FRMD3: variants seen among roughly 807,000 people sequenced by gnomAD.
FRMD3 encodes the protein FERM domain containing 3.
A neutral mutation model predicts 70.2 loss-of-function variants in FRMD3; 33 were observed. That is an observed-to-expected ratio of 0.47 (90% CI 0.36 to 0.63). The LOEUF (loss-of-function observed/expected upper bound fraction) is 0.63, where lower values mean the gene tolerates loss of function less well. Ranked by LOEUF, FRMD3 falls within the 20% of genes least tolerant of loss-of-function variation. The probability of loss-of-function intolerance (pLI) is 0.00; values close to 1 mark genes in which losing one functional copy is unlikely to be tolerated. For synonymous variants in FRMD3, 279 were observed against 255.9 expected, an observed-to-expected ratio of 1.09 and a Z score of -0.86; for missense variants, 632 against 711.4, an observed-to-expected ratio of 0.89 and a Z score of 1.27.
At chr9:83,330,304 C>A (rs1261452663) in intron 6 of FRMD3, among the ~76,000 whole-genome samples, 1 of 147,618 alleles carries the variant, frequency 6.8e-6, no homozygotes, top group Non-Finnish European at 1.5e-5. Flanking sequence ...GTGGAGGTTG[C>A]GGTGCGCAAA....
intron 6 of FRMD3, among the ~76,000 whole-genome samples, chr9:83,325,294 T>C (rs1835967698): frequency 6.6e-6 from 1 of 152,200 alleles, no homozygotes; most frequent in Non-Finnish European, 1.5e-5. Context: ...ATGACACTTA[T>C]ACTTGATAAA....
intron 3 of FRMD3, among the ~76,000 whole-genome samples, chr9:83,351,818 C>T (rs543305206): frequency 6.4e-4 from 97 of 152,242 alleles, no homozygotes; most frequent in African/African-American, 2.2e-3. Flanking sequence ...TCATTACACC[C>T]CAAATTCTCC....
chr9:83,391,649 C>A (rs1022404083), intron 1 of FRMD3, among the ~76,000 whole-genome samples: 2 of 152,006 alleles, frequency 1.3e-5, no homozygotes, highest in African/African-American at 4.8e-5. Flanking sequence ...ACACAGCAAC[C>A]AATATACACC....
intron 1 of FRMD3, among the ~76,000 whole-genome samples, chr9:83,487,525 T>C (rs1828713737): frequency 6.6e-6 from 1 of 152,202 alleles, no homozygotes; most frequent in Non-Finnish European, 1.5e-5. Flanking sequence ...TCCAAGATAC[T>C]GCTAGAGTTA....
At chr9:83,272,953 C>T (rs1587659999) in intron 13 of FRMD3, among the ~76,000 whole-genome samples, 1 of 150,908 alleles carries the variant, frequency 6.6e-6, no homozygotes, top group Non-Finnish European at 1.5e-5. Context: ...GCAGCCGCCC[C>T]GTCTGGGAAG....
intron 1 of FRMD3, among the ~76,000 whole-genome samples, chr9:83,489,099 T>C (rs1828757378): frequency 1.3e-5 from 2 of 151,484 alleles, no homozygotes; most frequent in Admixed American, 1.3e-4. Context: ...CAAAAGTGAA[T>C]TCAATATGGA....
At chr9:83,569,389 C>T in the FRMD3 span, among the ~76,000 whole-genome samples, 1 of 152,188 alleles carries the variant, frequency 6.6e-6, no homozygotes, top group African/African-American at 2.4e-5. Context: ...AGACTCTCCC[C>T]AACCCAATCT....
chr9:83,247,930 C>T lies in FRMD3; in HGVS notation c.1782G>A (p.Leu594=). 6.2e-7 allele frequency: 1 copy of T among 1,613,906 alleles called. No individual in the cohort carries two copies. Among genetic ancestry groups the T allele is most frequent in the Middle Eastern group, 1.7e-4 (1 of 6,056 alleles). ...TGAGAGATTAACTTCATGAGCAACC[C>T]AGCATGTAGAGGATGAGGTGGACTT... The part of the protein sequence containing the change: ...AGKVHLILYM[L]GCS Residue 594 remains leucine (L), a synonymous_variant, in exon 14 of 14, where the codon CTG becomes CTA. Transcript: ENST00000304195.
intron 12 of FRMD3, 138 bp from the exon 13 acceptor site, chr9:83,290,865 G>C (rs1834391524): frequency 2.3e-6 from 2 of 863,974 alleles, no homozygotes; most frequent in Admixed American, 5.8e-5. Flanking sequence ...CAGTAGTAAA[G>C]ATGACGTAAC....
At chr9:83,520,970 CAAAAAA>C (rs144061788) in intron 1 of FRMD3, among the ~76,000 whole-genome samples, 1 of 56,126 alleles carries the variant, frequency 1.8e-5, no homozygotes, top group Non-Finnish European at 3.4e-5. Context: ...ACTAAAAATA[CAAAAAA>C]AAAAAAAAAA....
intron 1 of FRMD3, among the ~76,000 whole-genome samples, chr9:83,473,106 G>T (rs964210698): frequency 2.0e-5 from 3 of 152,096 alleles, no homozygotes; most frequent in African/African-American, 7.2e-5. Context: ...CAAAGACTTA[G>T]ATGTTCCCCC....
At chr9:83,429,170 C>T (rs998878187) in intron 1 of FRMD3, among the ~76,000 whole-genome samples, 3 of 152,178 alleles carry the variant, frequency 2.0e-5, no homozygotes, top group Non-Finnish European at 2.9e-5. Flanking sequence ...TACTTCTCTT[C>T]GTAGTCATGC....
intron 1 of FRMD3, among the ~76,000 whole-genome samples, chr9:83,394,727 T>C (rs1825764894): frequency 6.6e-6 from 1 of 152,132 alleles, no homozygotes; most frequent in Non-Finnish European, 1.5e-5. Flanking sequence ...ATTTACCCCT[T>C]TACACCCTAT....
chr9:83,318,987 A>AG (rs1362859848), intron 6 of FRMD3, among the ~76,000 whole-genome samples: 1 of 151,832 alleles, frequency 6.6e-6, no homozygotes, highest in South Asian at 2.1e-4. Flanking sequence ...TCATTTTTTA[A>AG]GGGGGGTTGT....
intron 4 of FRMD3, among the ~76,000 whole-genome samples, chr9:83,343,878 G>A (rs138542602): frequency 3.3e-4 from 50 of 152,344 alleles, no homozygotes; most frequent in African/African-American, 1.2e-3. Context: ...TTGAGGCCAG[G>A]CACACAGTGG....
At chr9:83,489,483 G>A (rs970387680) in intron 1 of FRMD3, among the ~76,000 whole-genome samples, 73 of 152,020 alleles carry the variant, frequency 4.8e-4, no homozygotes, top group African/African-American at 1.7e-3. Flanking sequence ...CAACATAGAA[G>A]CAACCGACAA....
chr9:83,266,937 C>A (rs1833285031), intron 13 of FRMD3: 2 of 1,458,088 alleles, frequency 1.4e-6, no homozygotes, highest in South Asian at 2.6e-5. Context: ...GGGCCTCTCT[C>A]CACCAGCAGT....
intron 12 of FRMD3, among the ~76,000 whole-genome samples, chr9:83,292,795 C>G (rs1834492792): frequency 6.6e-6 from 1 of 152,122 alleles, no homozygotes; most frequent in Non-Finnish European, 1.5e-5. Flanking sequence ...TTACAGGCAT[C>G]TGCCACCATG....
Position 83,493,915 on chromosome 9 carries a change from G to A in FRMD3, c.147+44170C>T, listed in dbSNP as rs138752997. Reference sequence around the variant, plus strand: ...TGCTCTCCTTTGTGGAGCACATGCTGTGATGGCGCCTCCCACCAGCCTTAG... The same window carrying A: ...TGCTCTCCTTTGTGGAGCACATGCTATGATGGCGCCTCCCACCAGCCTTAG... On this transcript the variant is annotated intron_variant, in intron 1 of 13. Transcript: ENST00000304195. Among the ~76,000 whole-genome samples, 1,314 of 152,330 alleles carry A rather than the reference G, an allele frequency of 8.6e-3. 11 individuals carry two copies. Among genetic ancestry groups the A allele is most frequent in the Non-Finnish European group, 0.011 (776 of 68,030 alleles).
Sources: gnomAD v4.1 joint callset for allele counts (sites outside exome capture counted in the v4.1 genomes callset) on GRCh38, gnomAD v4.1.1 for gene constraint, MANE v1.5 for transcripts, NCBI Gene and HGNC (gene_info 2026-07-23, HGNC 2026-07-21) for gene names.